LGR6: variants seen among roughly 807,000 people sequenced by gnomAD.
LGR6 encodes leucine-rich repeat-containing G protein-coupled receptor 6.
A neutral mutation model predicts 69.4 loss-of-function variants in LGR6; 45 were observed. The ratio of observed to expected loss-of-function variants is 0.65; its 90% CI spans 0.51 to 0.83. LGR6 has a LOEUF of 0.83. LGR6 is among the 40% of genes least tolerant of loss of function. The probability of loss-of-function intolerance (pLI) is 0.00; values close to 1 mark genes in which losing one functional copy is unlikely to be tolerated. For missense variants in LGR6, 1,108 were observed against 1,246.7 expected, an observed-to-expected ratio of 0.89 and a Z score of 1.68; for synonymous variants, 538 against 555.0, an observed-to-expected ratio of 0.97 and a Z score of 0.43.
chr1:202,247,322 C>G (rs765706694), intron 4 of LGR6, among the ~76,000 whole-genome samples: 9 of 152,196 alleles, frequency 5.9e-5, no homozygotes, highest in Non-Finnish European at 1.2e-4. Context: ...CCTCCACCCC[C>G]CAGGGGATTA....
intron 1 of LGR6, chr1:202,214,083 C>G: frequency 1.5e-6 from 2 of 1,373,752 alleles, no homozygotes; most frequent in South Asian, 1.7e-5. Flanking sequence ...AGCGGCAGAA[C>G]GAGAGAGGAT....
At chr1:202,222,174 CCCTGGCACCAG>C (rs1164872912) in intron 1 of LGR6, among the ~76,000 whole-genome samples, 1 of 152,246 alleles carries the variant, frequency 6.6e-6, no homozygotes, top group Non-Finnish European at 1.5e-5. Context: ...CTTCCCCTTC[CCCTGGCACCAG>C]CCTTACCCCT....
chr1:202,202,680 T>C (rs1658878844), intron 1 of LGR6, among the ~76,000 whole-genome samples: 1 of 152,182 alleles, frequency 6.6e-6, no homozygotes, highest in Non-Finnish European at 1.5e-5. Context: ...CTATCTAGTC[T>C]CCCCTTGAGA....
At chr1:202,234,553 G>A (rs373859062) in intron 3 of LGR6, among the ~76,000 whole-genome samples, 1 of 152,170 alleles carries the variant, frequency 6.6e-6, no homozygotes, top group Non-Finnish European at 1.5e-5. Flanking sequence ...CCACCACTAT[G>A]ATAGATGCTG....
At chr1:202,300,802 C>G in intron 7 of LGR6, 47 bp from the exon 8 acceptor site, 1 of 1,434,996 alleles carries the variant, frequency 7.0e-7, no homozygotes, top group Non-Finnish European at 9.7e-7. Flanking sequence ...CTCTCCCTCT[C>G]TATACCTTTC....
intron 4 of LGR6, among the ~76,000 whole-genome samples, chr1:202,261,416 T>C (rs1664223430): frequency 1.3e-5 from 2 of 152,158 alleles, no homozygotes; most frequent in African/African-American, 4.8e-5. Flanking sequence ...CATGAACTCA[T>C]CATTTTTTAT....
At chr1:202,287,992 A>T (rs891081579) in intron 6 of LGR6, among the ~76,000 whole-genome samples, 1 of 151,892 alleles carries the variant, frequency 6.6e-6, no homozygotes, top group Non-Finnish European at 1.5e-5. Flanking sequence ...GTGATTCCTC[A>T]TCATACTCCA....
intron 6 of LGR6, 135 bp downstream of exon 6, chr1:202,280,987 A>T (rs1665960935): frequency 2.9e-6 from 2 of 683,526 alleles, no homozygotes. Flanking sequence ...TTGTTTACCC[A>T]CATGCCCCTC....
In LGR6 at chr1:202,296,595, G is replaced by A. The variant is rs1007325225; in HGVS notation, c.717-913G>A. Among the ~76,000 whole-genome samples the A allele has an allele frequency of 5.9e-5, 9 of 152,198 alleles. No individual in the cohort carries two copies. In the East Asian group the frequency reaches 9.7e-4, roughly 16 times the overall value. On this transcript the variant is annotated intron_variant, in intron 6 of 17. Coordinates refer to ENST00000367278, the MANE Select transcript of LGR6 (RefSeq NM_001017403.2). The stretch of plus-strand genomic sequence containing the variant: ...TCTGATGAAAATAAAAGTTGCCCTC[G>A]GCCTCTTCCATTTCTCTTGCTTCTC...
At chr1:202,214,367 T>C in intron 1 of LGR6, 1 of 958,088 alleles carries the variant, frequency 1.0e-6, no homozygotes, top group Non-Finnish European at 1.5e-6. Flanking sequence ...CCTTCCATTG[T>C]TCTGGGAGCC....
rs545253401 is a variant in LGR6, at chr1:202,221,940, A to G, written c.213-3483A>G. 2.0e-3 allele frequency among the ~76,000 whole-genome samples: 100 copies of G among 48,998 alleles called. No homozygotes were observed. The South Asian group carries it at 0.035, about 17-fold the overall frequency. 32.1% of individuals were successfully genotyped at this position (48,998 alleles called of 152,430 possible). ...CCTCCCAGGACAGTCATATGTCAGT[A>G]GGAACCACCAACATACCAACATGAC... is the stretch of plus-strand genomic sequence containing the variant. On this transcript the variant is annotated intron_variant, in intron 1 of 17. Transcript: ENST00000367278.
intron 4 of LGR6, among the ~76,000 whole-genome samples, chr1:202,246,896 T>C (rs1156688194): frequency 1.3e-5 from 2 of 152,216 alleles, no homozygotes; most frequent in African/African-American, 2.4e-5. Flanking sequence ...ATCCTTTTTT[T>C]ACAGATGAGG....
At chr1:202,296,540 T>C (rs1667174753) in intron 6 of LGR6, among the ~76,000 whole-genome samples, 2 of 152,228 alleles carry the variant, frequency 1.3e-5, no homozygotes, top group African/African-American at 4.8e-5. Flanking sequence ...GGGGCTCTTT[T>C]CTATTTGTCA....
chr1:202,236,019 G>C (rs370482372), intron 4 of LGR6, 26 bp downstream of exon 4: 1 of 1,602,800 alleles, frequency 6.2e-7, no homozygotes, highest in South Asian at 1.1e-5. Context: ...GCTGGTCTGG[G>C]AGTCACCAGC....
intron 4 of LGR6, among the ~76,000 whole-genome samples, chr1:202,260,689 T>G (rs889061505): frequency 2.0e-5 from 3 of 152,192 alleles, no homozygotes; most frequent in African/African-American, 4.8e-5. Context: ...TTTCAAGTAG[T>G]TTTTCCCCCA....
chr1:202,229,792 T>C (rs1159371836), intron 3 of LGR6, among the ~76,000 whole-genome samples: 1 of 152,192 alleles, frequency 6.6e-6, no homozygotes, highest in Admixed American at 6.5e-5. Context: ...AAAGATCACC[T>C]GGTCCCCCAA....
intron 1 of LGR6, among the ~76,000 whole-genome samples, chr1:202,212,293 G>C (rs946535503): frequency 6.6e-6 from 1 of 152,136 alleles, no homozygotes; most frequent in Non-Finnish European, 1.5e-5. Flanking sequence ...CAGTGATGGA[G>C]GGCGAGCAGA....
intron 1 of LGR6, among the ~76,000 whole-genome samples, chr1:202,211,009 G>T (rs994058327): frequency 2.6e-5 from 4 of 152,224 alleles, no homozygotes; most frequent in East Asian, 1.9e-4. Context: ...GTTGTGGGGG[G>T]ACTTAGAAGG....
At chr1:202,288,653 C>T (rs533475110) in intron 6 of LGR6, among the ~76,000 whole-genome samples, 1 of 152,276 alleles carries the variant, frequency 6.6e-6, no homozygotes, top group South Asian at 2.1e-4. Context: ...ATGTAAGTGT[C>T]CTCTAGTCAG....
Sources: gnomAD v4.1 joint callset for allele counts (sites outside exome capture counted in the v4.1 genomes callset) on GRCh38, gnomAD v4.1.1 for gene constraint, MANE v1.5 for transcripts, NCBI Gene and HGNC (gene_info 2026-07-23, HGNC 2026-07-21) for gene names.